The following SYT1 variants were observed in gnomAD, a reference collection of about 807,000 sequenced individuals.
The protein encoded by SYT1 is synaptotagmin 1.
Under a neutral mutation model 44.8 loss-of-function variants are expected in SYT1, and 8 were observed. The ratio of observed to expected loss-of-function variants is 0.18; its 90% CI spans 0.10 to 0.32. The LOEUF is 0.32. SYT1 is among the 10% of genes least tolerant of loss of function. The pLI is 1.00. For synonymous variants in SYT1, 154 were observed against 188.8 expected (o/e 0.82, Z 1.51); for missense variants, 286 against 509.3 (o/e 0.56, Z 4.22).
intron 8 of SYT1, among the ~76,000 whole-genome samples, chr12:79,348,950 GAAAA>G (rs144699891): frequency 0.014 from 1,862 of 136,592 alleles, 37 homozygotes; most frequent in African/African-American, 0.047. Flanking sequence ...GAAAAAGAAA[GAAAA>G]AAAGAAAAGA....
intron 2 of SYT1, among the ~76,000 whole-genome samples, chr12:79,031,443 T>C (rs17046250): frequency 0.049 from 7,334 of 151,170 alleles, 231 homozygotes; most frequent in Admixed American, 0.087. Flanking sequence ...ACATGAACAA[T>C]GTACAACACA....
intron 2 of SYT1, among the ~76,000 whole-genome samples, chr12:79,015,229 T>TA (rs1021555203): frequency 6.6e-6 from 1 of 151,764 alleles, no homozygotes; most frequent in Non-Finnish European, 1.5e-5. Context: ...AAATAAAAAA[T>TA]AAAAAAAGAA....
At chr12:79,043,144 G>T (rs989470788) in intron 2 of SYT1, among the ~76,000 whole-genome samples, 5 of 150,696 alleles carry the variant, frequency 3.3e-5, no homozygotes, top group Admixed American at 6.6e-5. Context: ...TATTAGGTCC[G>T]CTTGGTGCAG....
intron 2 of SYT1, among the ~76,000 whole-genome samples, chr12:78,989,313 A>G (rs1869861958): frequency 6.6e-6 from 1 of 152,168 alleles, no homozygotes; most frequent in Non-Finnish European, 1.5e-5. Context: ...TCAATAGCAA[A>G]TTAAAGAATA....
chr12:79,069,356 A>G (rs1331990501), intron 3 of SYT1, among the ~76,000 whole-genome samples: 2 of 152,158 alleles, frequency 1.3e-5, no homozygotes, highest in Non-Finnish European at 2.9e-5. Flanking sequence ...CACAAAATAC[A>G]TTACATACAT....
chr12:79,203,682 T>C (rs1292017197), intron 3 of SYT1, among the ~76,000 whole-genome samples: 2 of 152,158 alleles, frequency 1.3e-5, no homozygotes, highest in African/African-American at 2.4e-5. Context: ...AGCTGTTAGG[T>C]AAAAAACCAA....
intron 3 of SYT1, among the ~76,000 whole-genome samples, chr12:79,052,438 A>T (rs1341299257): frequency 6.6e-6 from 1 of 152,224 alleles, no homozygotes; most frequent in Non-Finnish European, 1.5e-5. Context: ...TTCAGGACAT[A>T]TGCATGGGCA....
chr12:79,068,059 C>T (rs774248233), intron 3 of SYT1, among the ~76,000 whole-genome samples: 3 of 152,152 alleles, frequency 2.0e-5, no homozygotes, highest in Non-Finnish European at 2.9e-5. Context: ...CTTTGGATTA[C>T]AATCTTATCA....
chr12:79,417,332 T>C (rs554025605), intron 9 of SYT1, among the ~76,000 whole-genome samples: 1 of 152,290 alleles, frequency 6.6e-6, no homozygotes, highest in South Asian at 2.1e-4. Flanking sequence ...TTTAAGGAAA[T>C]GTGGAATATC....
intron 3 of SYT1, among the ~76,000 whole-genome samples, chr12:79,164,613 C>T (rs1871134484): frequency 6.6e-6 from 1 of 151,794 alleles, no homozygotes; most frequent in African/African-American, 2.4e-5. Flanking sequence ...TCTGTTGAGC[C>T]TCTTGTTTTG....
At chr12:78,940,325 T>C (rs184895831) in intron 1 of SYT1, among the ~76,000 whole-genome samples, 11 of 152,352 alleles carry the variant, frequency 7.2e-5, no homozygotes, top group African/African-American at 2.2e-4. Context: ...TTAATGCTCC[T>C]TTTTGTTATG....
At chr12:79,332,527 T>C (rs1298500031) in intron 8 of SYT1, among the ~76,000 whole-genome samples, 1 of 152,224 alleles carries the variant, frequency 6.6e-6, no homozygotes, top group Non-Finnish European at 1.5e-5. Context: ...ATACACTAAT[T>C]AGTTGCATAA....
At chr12:79,012,715 AC>A (rs1272086357) in intron 2 of SYT1, among the ~76,000 whole-genome samples, 2 of 152,170 alleles carry the variant, frequency 1.3e-5, no homozygotes, top group African/African-American at 4.8e-5. Context: ...CCAGCTGTCT[AC>A]AAACAAGTGT....
intron 8 of SYT1, among the ~76,000 whole-genome samples, chr12:79,307,270 C>A (rs1024334223): frequency 3.9e-5 from 6 of 152,010 alleles, no homozygotes; most frequent in Non-Finnish European, 8.8e-5. Context: ...TTAAAGAATG[C>A]GAGAGAGAGG....
chr12:79,035,949 C>CAAA (rs5799409), intron 2 of SYT1, among the ~76,000 whole-genome samples: 1 of 128,290 alleles, frequency 7.8e-6, no homozygotes, highest in Non-Finnish European at 1.7e-5. Context: ...AACAAACAAA[C>CAAA]AAAAAAAAAA....
intron 1 of SYT1, among the ~76,000 whole-genome samples, chr12:78,975,875 T>C (rs1258674190): frequency 6.6e-6 from 1 of 152,168 alleles, no homozygotes; most frequent in Non-Finnish European, 1.5e-5. Context: ...CTTGGAATCA[T>C]TGTTGAAAAA....
At chr12:79,286,725 C>T (rs1335762420) in intron 5 of SYT1, among the ~76,000 whole-genome samples, 1 of 152,008 alleles carries the variant, frequency 6.6e-6, no homozygotes, top group Non-Finnish European at 1.5e-5. Flanking sequence ...CAACTTGGTT[C>T]AAGATAATGT....
At chr12:79,168,824 T>A (rs1396056342) in intron 3 of SYT1, among the ~76,000 whole-genome samples, 2 of 152,018 alleles carry the variant, frequency 1.3e-5, no homozygotes, top group Non-Finnish European at 2.9e-5. Flanking sequence ...CAGATAACAT[T>A]TTCTAATTTA....
chr12:79,021,986 T>C (rs916987638), intron 2 of SYT1, among the ~76,000 whole-genome samples: 6 of 151,782 alleles, frequency 4.0e-5, no homozygotes, highest in African/African-American at 1.5e-4. Context: ...GATTTACTTT[T>C]TTCCCACTGA....
Sources: allele counts gnomAD v4.1 joint callset (sites outside exome capture counted in the v4.1 genomes callset), GRCh38; gene constraint gnomAD v4.1.1; transcripts MANE v1.5; gene names NCBI Gene and HGNC (gene_info 2026-07-23, HGNC 2026-07-21).